The following HOXD3 variants were observed in gnomAD, a reference collection of about 807,000 sequenced individuals.
The protein encoded by HOXD3 is homeobox protein Hox-D3.
In HOXD3, 13 loss-of-function variants were observed where a neutral mutation model predicts 32.8. The observed-to-expected ratio is 0.40, with a 90% CI of 0.26 to 0.63. The LOEUF (loss-of-function observed/expected upper bound fraction) is 0.63. Ranked by LOEUF, HOXD3 falls within the 20% of genes least tolerant of loss-of-function variation. HOXD3 has a pLI of 0.44. For synonymous variants in HOXD3, 241 were observed against 246.8 expected (o/e 0.98, Z 0.22); for missense variants, 504 against 577.1 (o/e 0.87, Z 1.30).
Position 176,169,256 on chromosome 2 carries a change from C to A in HOXD3, c.142C>A (p.Gln48Lys). 6.2e-7 allele frequency: 1 copy of A among 1,614,118 alleles called. No individual in the cohort carries two copies. Among genetic ancestry groups the A allele is most frequent in the Non-Finnish European group, 8.5e-7 (1 of 1,179,986 alleles). The change falls in exon 3 of 4, where the codon CAG (glutamine) becomes AAG (lysine). Residue 48 changes from glutamine to lysine, a missense_variant. Coordinates refer to ENST00000683222, the MANE Select transcript of HOXD3 (RefSeq NM_006898.5). ...CACTTACGGCTACAGCACCCCCCACCAGCCCTACCCACCCCCTGCTGCTGC... is the reference window on the plus strand; with the variant it reads ...CACTTACGGCTACAGCACCCCCCACAAGCCCTACCCACCCCCTGCTGCTGC... ...TDTYGYSTPH[Q>K]PYPPPAAASS...
chr2:176,153,238 T>G, upstream of HOXD3: 1 of 432,180 alleles, frequency 2.3e-6, no homozygotes. Flanking sequence ...CGCTCTTGGA[T>G]TTTGAATTTG....
upstream of HOXD3, among the ~76,000 whole-genome samples, chr2:176,155,242 A>C (rs1481599909): frequency 6.6e-6 from 1 of 152,148 alleles, no homozygotes; most frequent in African/African-American, 2.4e-5. Context: ...TTTTCACAAC[A>C]TCCAATTACA....
chr2:176,169,625 TCCAAGCAGAAGA>T lies in HOXD3; in HGVS notation c.512_523del (p.Ser171_Asn175delinsTyr). The T allele has an allele frequency of 6.2e-7, 1 of 1,607,692 alleles. No individual in the cohort carries two copies. The highest frequency in any genetic ancestry group is 8.5e-7 in the Non-Finnish European group (1 of 1,176,262). On this transcript the variant is annotated inframe_deletion, in exon 3 of 4. Coordinates refer to ENST00000683222, the MANE Select transcript of HOXD3 (RefSeq NM_006898.5). ...CTGGATGAAAGAGTCTCGACAGAAC[TCCAAGCAGAAGA>T]ACAGCTGTGCCACTGCAGGTAGCTC...
At chr2:176,157,232 A>G (rs1250527839), upstream of HOXD3, among the ~76,000 whole-genome samples, 3 of 152,166 alleles carry the variant, frequency 2.0e-5, no homozygotes, top group Non-Finnish European at 2.9e-5. Context: ...GAGGAAGATG[A>G]TAAGAATAGA....
At position 176,172,059 on chromosome 2, in the gene HOXD3, T is replaced by C. The variant is rs775097933; in HGVS notation, c.1084T>C (p.Phe362Leu). ...CAGCCCGGTGTACGTGGGCGGCAACTTCGTCGAGTCCATGGCGCCCGCGTC... is the reference window on the plus strand; with the variant it reads ...CAGCCCGGTGTACGTGGGCGGCAACCTCGTCGAGTCCATGGCGCCCGCGTC... ...QGSPVYVGGNFVESMAPASGP... is the reference protein window; with the variant it reads ...QGSPVYVGGNLVESMAPASGP... Residue 362 changes from phenylalanine (F) to leucine (L), a missense_variant, in exon 4 of 4, where the codon TTC (phenylalanine) becomes CTC (leucine). Phe to Leu is a conservative substitution (Grantham distance 22, BLOSUM62 0). Around this residue, in one of 3 missense-constraint regions of HOXD3, gnomAD observed 226 missense variants for 246.9 expected, o/e 0.92. Coordinates refer to ENST00000683222, the MANE Select transcript of HOXD3 (RefSeq NM_006898.5). 75 of 1,609,698 alleles carry C rather than the reference T, an allele frequency of 4.7e-5. No homozygotes were observed. Among genetic ancestry groups the C allele is most frequent in the Non-Finnish European group, 5.8e-5 (68 of 1,179,282 alleles).
intron 1 of HOXD3, among the ~76,000 whole-genome samples, chr2:176,163,111 CTGGG>C (rs1160677380): frequency 6.6e-6 from 1 of 152,152 alleles, no homozygotes; most frequent in Non-Finnish European, 1.5e-5. Context: ...CCCTACCGGG[CTGGG>C]ATCTCTTCGA....
At chr2:176,155,783 T>TA (rs1559135474), upstream of HOXD3, among the ~76,000 whole-genome samples, 2 of 152,200 alleles carry the variant, frequency 1.3e-5, no homozygotes, top group Non-Finnish European at 2.9e-5. Context: ...GTTGGTGTTT[T>TA]AAAAACAAAA....
Position 176,172,344 on chromosome 2 carries a change from C to A in HOXD3, c.*70C>A. On this transcript the variant is annotated 3_prime_UTR_variant, in exon 4 of 4. Coordinates refer to ENST00000683222, the MANE Select transcript of HOXD3 (RefSeq NM_006898.5). ...TGTAGTGGTGGGGTAGAGGGTGGGG[C>A]CCGCGGGGCAGTTCGGGAACCCCCT... is the stretch of plus-strand genomic sequence containing the variant. 7.1e-7 allele frequency: 1 copy of A among 1,416,016 alleles called. No individual in the cohort carries two copies. Among genetic ancestry groups the A allele is most frequent in the Non-Finnish European group, 9.5e-7 (1 of 1,056,634 alleles). 87.7% of individuals were successfully genotyped at this position (1,416,016 alleles called of 1,614,324 possible). A position where few individuals can be genotyped will look rare whatever the true frequency, so the allele number is the denominator to read the frequency against.
Position 176,158,077 on chromosome 2 carries a change from C to T in HOXD3, c.-181+625C>T, listed in dbSNP as rs943626210. Among the ~76,000 whole-genome samples, 5 of 152,226 alleles carry T rather than the reference C, an allele frequency of 3.3e-5. No individual in the cohort carries two copies. The East Asian group carries it at 9.6e-4, about 29-fold the overall frequency. ...TAATGATTTCCGAGTTGCCTCTCCC[C>T]CCGCTCCTCTCTCCCCACCCAAGTT... On this transcript the variant is annotated intron_variant, in intron 1 of 3. Transcript: ENST00000683222.
chr2:176,169,262 T>C lies in HOXD3; in HGVS notation c.148T>C (p.Tyr50His). 2.5e-6 allele frequency: 4 copies of C among 1,613,308 alleles called. No homozygotes were observed. In the East Asian group the frequency reaches 8.9e-5, roughly 36 times the overall value. ...TYGYSTPHQP[Y>H]PPPAAASSLD... ...CGGCTACAGCACCCCCCACCAGCCC[T>C]ACCCACCCCCTGCTGCTGCCAGCTC... Residue 50 changes from tyrosine (Y) to histidine (H), a missense_variant, in exon 3 of 4, where the codon TAC becomes CAC. By Grantham distance (83) the Tyr-to-His change is moderately conservative (BLOSUM62 2). Around this residue, in one of 3 missense-constraint regions of HOXD3, gnomAD observed 181 missense variants for 172.2 expected, o/e 1.05. Transcript: ENST00000683222.
chr2:176,169,160 A>G lies in HOXD3; in HGVS notation c.46A>G (p.Thr16Ala), dbSNP rs773599109. The part of the protein sequence containing the change: ...GQQALELPEC[T>A]MQKAAYYENP... ...GCAGGCCCTGGAGCTTCCTGAGTGCACAATGCAGAAGGCTGCTTACTATGA... is the reference window on the plus strand; with the variant it reads ...GCAGGCCCTGGAGCTTCCTGAGTGCGCAATGCAGAAGGCTGCTTACTATGA... Residue 16 changes from threonine to alanine, a missense_variant, in exon 3 of 4, where the codon ACA becomes GCA. Coordinates refer to ENST00000683222, the MANE Select transcript of HOXD3 (RefSeq NM_006898.5). 1 of 1,613,980 alleles carries G rather than the reference A, an allele frequency of 6.2e-7. No individual in the cohort carries two copies. The highest frequency in any genetic ancestry group is 8.5e-7 in the Non-Finnish European group (1 of 1,179,912).
At position 176,169,111 on chromosome 2, in the gene HOXD3, G is replaced by C. The variant is rs1363261359; in HGVS notation, c.-4G>C. The stretch of plus-strand genomic sequence containing the variant: ...GGTGGCAGTGAAGGATACAGTGGTA[G>C]TCAATGTTATTTGAGCAGGGTCAGC... On this transcript the variant is annotated 5_prime_UTR_variant, in exon 3 of 4. Coordinates refer to ENST00000683222, the MANE Select transcript of HOXD3 (RefSeq NM_006898.5). 3 of 1,602,046 alleles carry C rather than the reference G, an allele frequency of 1.9e-6. No homozygotes were observed. Among genetic ancestry groups the C allele is most frequent in the South Asian group, 1.1e-5 (1 of 88,278 alleles).
intron 2 of HOXD3, among the ~76,000 whole-genome samples, chr2:176,168,621 T>C (rs1448582691): frequency 6.7e-6 from 1 of 150,062 alleles, no homozygotes; most frequent in Admixed American, 6.6e-5. Flanking sequence ...TGGGCACCTG[T>C]AGCTACTGCA....
At chr2:176,170,305 A>T (rs1449825800) in intron 3 of HOXD3, among the ~76,000 whole-genome samples, 5 of 152,230 alleles carry the variant, frequency 3.3e-5, no homozygotes, top group Admixed American at 1.3e-4. Flanking sequence ...CCTCAGCCCA[A>T]TTCTCCCACT....
In HOXD3 at chr2:176,169,943, T is replaced by C. The variant is rs371381355; in HGVS notation, c.541+288T>C. On this transcript the variant is annotated intron_variant, in intron 3 of 3. Coordinates refer to ENST00000683222, the MANE Select transcript of HOXD3 (RefSeq NM_006898.5). Reference sequence around the variant, plus strand: ...GTTTTCCTGGGCTGCTAATTATAACTCCATTCCCTCTTCCACCCAACAGCT... The same window carrying C: ...GTTTTCCTGGGCTGCTAATTATAACCCCATTCCCTCTTCCACCCAACAGCT... Among the ~76,000 whole-genome samples, 8 of 152,178 alleles carry C rather than the reference T, an allele frequency of 5.3e-5. No individual in the cohort carries two copies. The East Asian group carries it at 1.2e-3, about 22-fold the overall frequency.
At chr2:176,166,353 T>G (rs1158568113) in intron 2 of HOXD3, among the ~76,000 whole-genome samples, 1 of 152,204 alleles carries the variant, frequency 6.6e-6, no homozygotes, top group African/African-American at 2.4e-5. Context: ...CTTTGTCAAC[T>G]TGGGAGGCAG....
rs1691245606 is a variant in HOXD3 at position 176,172,896 on chromosome 2, T to A, written c.*622T>A. On this transcript the variant is annotated 3_prime_UTR_variant, in exon 4 of 4. Coordinates refer to ENST00000683222, the MANE Select transcript of HOXD3 (RefSeq NM_006898.5). ...TAGTTGAGAGAGTAGTTTTGAACAG[T>A]CGTAACCGTGGCTGGTGTTTGTAGT... 6.5e-6 allele frequency: 1 copy of A among 152,770 alleles called. No individual in the cohort carries two copies. Among genetic ancestry groups the A allele is most frequent in the African/African-American group, 2.4e-5 (1 of 41,448 alleles). 9.5% of individuals were successfully genotyped at this position (152,770 alleles called of 1,614,324 possible). A position where few individuals can be genotyped will look rare whatever the true frequency, so the allele number is the denominator to read the frequency against.
Position 176,172,315 on chromosome 2 carries a change from T to C in HOXD3, c.*41T>C. 6.5e-7 allele frequency: 1 copy of C among 1,547,758 alleles called. No individual in the cohort carries two copies. The stretch of plus-strand genomic sequence containing the variant: ...CGAACTCGCGGCAAAATTACCTCTC[T>C]TGCTGTAGTGGTGGGGTAGAGGGTG... On this transcript the variant is annotated 3_prime_UTR_variant, in exon 4 of 4. Transcript: ENST00000683222.
intron 1 of HOXD3, among the ~76,000 whole-genome samples, chr2:176,162,790 G>A (rs1376494278): frequency 6.6e-6 from 1 of 152,236 alleles, no homozygotes; most frequent in Non-Finnish European, 1.5e-5. Context: ...TAAGGGGGTG[G>A]CGGCCCCGGG....
Sources: allele counts gnomAD v4.1 joint callset (sites outside exome capture counted in the v4.1 genomes callset), GRCh38; gene constraint gnomAD v4.1.1; regional missense constraint gnomAD v4.1.1; transcripts MANE v1.5; gene names NCBI Gene and HGNC (gene_info 2026-07-23, HGNC 2026-07-21).